Variants in RIT2 observed in about 807,000 individuals in gnomAD.
RIT2 encodes the protein Ras like without CAAX 2, also known as GTP-binding protein Rit2.
Under a neutral mutation model 23.7 loss-of-function variants are expected in RIT2, and 24 were observed. The ratio of observed to expected loss-of-function variants is 1.01; its 90% CI spans 0.73 to 1.43. The LOEUF (loss-of-function observed/expected upper bound fraction) is 1.43, where lower values mean the gene tolerates loss of function less well. Ranked by LOEUF, RIT2 falls within the 40% of genes most tolerant of loss-of-function variation. The pLI is 0.00. For missense variants in RIT2, 236 were observed against 266.9 expected (o/e 0.88, Z 0.81); for synonymous variants, 107 against 91.1 (o/e 1.17, Z -0.99).
intron 1 of RIT2, among the ~76,000 whole-genome samples, chr18:43,098,731 C>T (rs570610253): frequency 1.3e-5 from 2 of 152,060 alleles, no homozygotes; most frequent in East Asian, 1.9e-4. Context: ...ATTGGAAGGC[C>T]ACTGTACTAT....
chr18:43,084,162 A>C (rs1419443280), intron 1 of RIT2, among the ~76,000 whole-genome samples: 1 of 152,232 alleles, frequency 6.6e-6, no homozygotes, highest in Non-Finnish European at 1.5e-5. Context: ...CATTAGAGAA[A>C]TGCAAATCAA....
In RIT2 at chr18:43,081,329, T is replaced by C. The variant is rs551117845; in HGVS notation, c.103+34088A>G. 8.5e-5 allele frequency among the ~76,000 whole-genome samples: 13 copies of C among 152,306 alleles called. No homozygotes were observed. In the South Asian group the frequency reaches 2.7e-3, roughly 32 times the overall value. On this transcript the variant is annotated intron_variant, in intron 1 of 4. Coordinates refer to ENST00000326695, the MANE Select transcript of RIT2 (RefSeq NM_002930.4). ...GGAGCTAACATCATTTATTATTTTT[T>C]AAGCTTCATAATAACTGTAATGATA...
Position 42,923,521 on chromosome 18 carries a change from A to G in RIT2, c.426+51T>C, listed in dbSNP as rs544891312. The G allele has an allele frequency of 2.6e-5, 39 of 1,475,998 alleles. No individual in the cohort carries two copies. In the African/African-American group the frequency reaches 3.5e-4, roughly 13 times the overall value. 91.4% of individuals were successfully genotyped at this position (1,475,998 alleles called of 1,614,324 possible). A position where few individuals can be genotyped will look rare whatever the true frequency, so the allele number is the denominator to read the frequency against. ...TGGGAAAGCAGCCATATTTTGTACT[A>G]TGCATCCTCAGAGCAAAAGACAGAA... is the stretch of plus-strand genomic sequence containing the variant. On this transcript the variant is annotated intron_variant, in intron 4 of 4. Coordinates refer to ENST00000326695, the MANE Select transcript of RIT2 (RefSeq NM_002930.4).
At chr18:42,849,950 T>C (rs1219207696) in intron 4 of RIT2, among the ~76,000 whole-genome samples, 2 of 152,144 alleles carry the variant, frequency 1.3e-5, no homozygotes, top group African/African-American at 4.8e-5. Flanking sequence ...ACTCTAAGTT[T>C]CCCTTAAACA....
intron 3 of RIT2, among the ~76,000 whole-genome samples, chr18:42,962,878 A>C (rs1910124900): frequency 6.6e-6 from 1 of 152,146 alleles, no homozygotes; most frequent in South Asian, 2.1e-4. Context: ...AATCCTATAT[A>C]AAGTGGCTCC....
Position 42,887,505 on chromosome 18 carries a change from G to A in RIT2, c.426+36067C>T, listed in dbSNP as rs140650250. 1.1e-4 allele frequency among the ~76,000 whole-genome samples: 17 copies of A among 152,248 alleles called. No homozygotes were observed. In the East Asian group the frequency reaches 3.3e-3, roughly 29 times the overall value. On this transcript the variant is annotated intron_variant, in intron 4 of 4. Transcript: ENST00000326695. ...ATCCAAAACACTGACAAAAACAAAT[G>A]CTGGCAAAGATGTGCAGCAACGGGA...
chr18:43,043,077 T>C (rs569079574), intron 1 of RIT2, among the ~76,000 whole-genome samples: 50 of 152,290 alleles, frequency 3.3e-4, no homozygotes, highest in Non-Finnish European at 5.9e-4. Flanking sequence ...AGGATTTTTA[T>C]TGAAGACATC....
chr18:42,888,318 GT>G (rs576882583), intron 4 of RIT2, among the ~76,000 whole-genome samples: 1 of 150,656 alleles, frequency 6.6e-6, no homozygotes, highest in Non-Finnish European at 1.5e-5. Context: ...AAAACAAAGG[GT>G]TTTTTTTTGT....
intron 1 of RIT2, among the ~76,000 whole-genome samples, chr18:43,107,209 C>T (rs1913843721): frequency 7.2e-5 from 11 of 152,112 alleles, no homozygotes; most frequent in Admixed American, 7.2e-4. Context: ...GACTCTAGTC[C>T]CAACGCTACA....
At chr18:42,999,309 CT>C (rs1911054486) in intron 2 of RIT2, among the ~76,000 whole-genome samples, 1 of 152,004 alleles carries the variant, frequency 6.6e-6, no homozygotes, top group Non-Finnish European at 1.5e-5. Flanking sequence ...TGCAGTTTCA[CT>C]TTTTTAAAAA....
At chr18:42,846,160 G>C (rs1906903863) in intron 4 of RIT2, among the ~76,000 whole-genome samples, 1 of 151,868 alleles carries the variant, frequency 6.6e-6, no homozygotes, top group Non-Finnish European at 1.5e-5. Flanking sequence ...AGATAGCAGA[G>C]AGTAACTAAA....
At chr18:42,830,701 A>G (rs897744849) in intron 4 of RIT2, among the ~76,000 whole-genome samples, 15 of 152,158 alleles carry the variant, frequency 9.9e-5, no homozygotes, top group Admixed American at 5.9e-4. Flanking sequence ...CACTCTTTCT[A>G]TATTTTCTGA....
At chr18:42,952,512 G>C (rs1484637482) in intron 3 of RIT2, among the ~76,000 whole-genome samples, 2 of 151,954 alleles carry the variant, frequency 1.3e-5, no homozygotes, top group Non-Finnish European at 2.9e-5. Flanking sequence ...AAATTTTTCT[G>C]AGAGGGTAAA....
intron 4 of RIT2, among the ~76,000 whole-genome samples, chr18:42,775,553 C>T (rs1441912396): frequency 1.3e-5 from 2 of 151,848 alleles, no homozygotes; most frequent in African/African-American, 2.4e-5. Flanking sequence ...AAAAATTAGC[C>T]GGTCGTGGTG....
At position 42,821,288 on chromosome 18, in the gene RIT2, G is replaced by A. The variant is rs142630472; in HGVS notation, c.427-77568C>T. On this transcript the variant is annotated intron_variant, in intron 4 of 4. Coordinates refer to ENST00000326695, the MANE Select transcript of RIT2 (RefSeq NM_002930.4). Reference sequence around the variant, plus strand: ...AGGATTTGAGGAAATGATGTAGCACGATGAGAAGATTTAAAGAAGGAGTGA... The same window carrying A: ...AGGATTTGAGGAAATGATGTAGCACAATGAGAAGATTTAAAGAAGGAGTGA... Among the ~76,000 whole-genome samples the A allele has an allele frequency of 5.2e-3, 793 of 152,220 alleles. 5 individuals carry two copies. Among genetic ancestry groups the A allele is most frequent in the African/African-American group, 0.017 (721 of 41,542 alleles).
chr18:42,859,981 A>T (rs1907285015), intron 4 of RIT2, among the ~76,000 whole-genome samples: 1 of 143,394 alleles, frequency 7.0e-6, no homozygotes. Flanking sequence ...CCTTGATTTA[A>T]AAAAAAAAAT....
chr18:42,853,584 T>C (rs1300848359), intron 4 of RIT2, among the ~76,000 whole-genome samples: 4 of 152,234 alleles, frequency 2.6e-5, no homozygotes, highest in Non-Finnish European at 5.9e-5. Context: ...TTCTCACATA[T>C]ACATTTATAT....
At chr18:42,895,825 A>G (rs898162810) in intron 4 of RIT2, among the ~76,000 whole-genome samples, 2 of 152,212 alleles carry the variant, frequency 1.3e-5, no homozygotes, top group African/African-American at 4.8e-5. Flanking sequence ...CAAGTTGCAC[A>G]GCAATATGGG....
chr18:43,084,074 G>T (rs1913222589), intron 1 of RIT2, among the ~76,000 whole-genome samples: 1 of 152,068 alleles, frequency 6.6e-6, no homozygotes, highest in Admixed American at 6.5e-5. Context: ...AGTGGGCAAA[G>T]AATATGAACA....
Sources: gnomAD v4.1 joint callset for allele counts (sites outside exome capture counted in the v4.1 genomes callset) on GRCh38, gnomAD v4.1.1 for gene constraint, MANE v1.5 for transcripts, NCBI Gene and HGNC (gene_info 2026-07-23, HGNC 2026-07-21) for gene names.